Variants in ERG observed in about 807,000 individuals in gnomAD.
The protein encoded by ERG is transcriptional regulator ERG.
A neutral mutation model predicts 55.3 loss-of-function variants in ERG; 9 were observed. The ratio of observed to expected loss-of-function variants is 0.16; its 90% CI spans 0.10 to 0.28. The LOEUF is 0.28. Ranked by LOEUF, ERG falls within the 10% of genes least tolerant of loss-of-function variation. The pLI, the probability that ERG is intolerant of heterozygous loss-of-function variation, is 1.00. For missense variants in ERG, 434 were observed against 631.6 expected (o/e 0.69, Z 3.35); for synonymous variants, 223 against 237.3 (o/e 0.94, Z 0.55).
chr21:38,546,642 A>G (rs1216646767), intron 2 of ERG, among the ~76,000 whole-genome samples: 1 of 152,216 alleles, frequency 6.6e-6, no homozygotes, highest in Non-Finnish European at 1.5e-5. Flanking sequence ...GTCTATATCA[A>G]AAGAAGAACA....
chr21:38,381,884 C>T lies in ERG; in HGVS notation c.*1519G>A, dbSNP rs1402164128. On this transcript the variant is annotated 3_prime_UTR_variant, in exon 10 of 10. Coordinates refer to ENST00000288319, the MANE Select transcript of ERG (RefSeq NM_182918.4). ...TGGAGAGGCTGACGCCATTTGGGTG[C>T]CAAACATCCTATTTCCTTGGCTCTC... is the stretch of plus-strand genomic sequence containing the variant. 10 of 1,063,232 alleles carry T rather than the reference C, an allele frequency of 9.4e-6. No individual in the cohort carries two copies. Among genetic ancestry groups the T allele is most frequent in the Non-Finnish European group, 1.1e-5 (10 of 878,032 alleles). The allele number at this position is 1,063,232 out of a possible 1,614,324, so 65.9% of individuals were successfully genotyped here.
chr21:38,625,818 A>G (rs953165969), intron 1 of ERG, among the ~76,000 whole-genome samples: 2 of 151,730 alleles, frequency 1.3e-5, no homozygotes, highest in African/African-American at 4.8e-5. Context: ...ACTAATTAAT[A>G]TGATTGGCGA....
At chr21:38,398,370 G>C (rs1988328106) in intron 6 of ERG, among the ~76,000 whole-genome samples, 2 of 152,140 alleles carry the variant, frequency 1.3e-5, no homozygotes, top group East Asian at 3.9e-4. Context: ...CCTCTGGCTT[G>C]TTCAGTCTGC....
chr21:38,452,319 A>G (rs990325438), intron 1 of ERG, among the ~76,000 whole-genome samples: 1 of 152,184 alleles, frequency 6.6e-6, no homozygotes, highest in Non-Finnish European at 1.5e-5. Flanking sequence ...AAATACATAC[A>G]TGCGCAAATA....
At chr21:38,538,639 C>A (rs143765760) in intron 2 of ERG, among the ~76,000 whole-genome samples, 14 of 152,250 alleles carry the variant, frequency 9.2e-5, no homozygotes, top group African/African-American at 2.4e-4. Context: ...CTGTCAGCTT[C>A]TCTGTTTTAA....
Position 38,441,483 on chromosome 21 carries a change from C to A in ERG, c.236+3921G>T, listed in dbSNP as rs140710732. ...ATCTCAGACCTGCCCACTCCCACAA[C>A]TGCATTAGCCAATTCCTTCAAATAA... On this transcript the variant is annotated intron_variant, in intron 2 of 9. Coordinates refer to ENST00000288319, the MANE Select transcript of ERG (RefSeq NM_182918.4). Among the ~76,000 whole-genome samples, 661 of 152,334 alleles carry A rather than the reference C, an allele frequency of 4.3e-3. 1 individual carries two copies. Among genetic ancestry groups the A allele is most frequent in the African/African-American group, 0.015 (637 of 41,566 alleles).
intron 1 of ERG, among the ~76,000 whole-genome samples, chr21:38,594,613 T>C (rs940406063): frequency 6.6e-6 from 1 of 152,114 alleles, no homozygotes; most frequent in African/African-American, 2.4e-5. Flanking sequence ...AGGGGCCACA[T>C]AGCTGCTCCA....
chr21:38,579,788 C>T (rs2060016999), intron 1 of ERG, among the ~76,000 whole-genome samples: 1 of 151,924 alleles, frequency 6.6e-6, no homozygotes, highest in Admixed American at 6.6e-5. Context: ...GCTCAACCAC[C>T]CTCCCCTGCC....
At chr21:38,425,615 A>G (rs576184572) in intron 2 of ERG, among the ~76,000 whole-genome samples, 1 of 152,256 alleles carries the variant, frequency 6.6e-6, no homozygotes, top group Non-Finnish European at 1.5e-5. Context: ...TCCAATGCAT[A>G]CATTTTTTTC....
chr21:38,535,635 A>G (rs1189304931), intron 2 of ERG, among the ~76,000 whole-genome samples: 2 of 152,192 alleles, frequency 1.3e-5, no homozygotes, highest in Admixed American at 6.5e-5. Context: ...AAGACGAATT[A>G]GGGAAGTACC....
At chr21:38,437,894 C>T (rs981180710) in intron 2 of ERG, among the ~76,000 whole-genome samples, 2 of 152,178 alleles carry the variant, frequency 1.3e-5, no homozygotes, top group Non-Finnish European at 2.9e-5. Context: ...CAGAGAGGCC[C>T]TGCAAAATCT....
At chr21:38,414,951 T>C (rs1051700973) in intron 3 of ERG, among the ~76,000 whole-genome samples, 1 of 152,226 alleles carries the variant, frequency 6.6e-6, no homozygotes, top group Non-Finnish European at 1.5e-5. Flanking sequence ...ATGTAAAAAT[T>C]AGCCCTGGGC....
chr21:38,423,084 A>AGTGTGTGT (rs71184624), intron 3 of ERG, among the ~76,000 whole-genome samples: 1,527 of 144,422 alleles, frequency 0.011, 11 homozygotes, highest in African/African-American at 0.017. Flanking sequence ...CTCCATACGT[A>AGTGTGTGT]GTGTGTGTGT....
At chr21:38,444,186 G>A (rs1433311276) in intron 2 of ERG, among the ~76,000 whole-genome samples, 1 of 152,162 alleles carries the variant, frequency 6.6e-6, no homozygotes, top group Non-Finnish European at 1.5e-5. Flanking sequence ...AAACATATAT[G>A]TAACAAAAAG....
At chr21:38,579,497 G>C (rs1218081787) in intron 1 of ERG, among the ~76,000 whole-genome samples, 1 of 152,192 alleles carries the variant, frequency 6.6e-6, no homozygotes, top group Non-Finnish European at 1.5e-5. Context: ...AGAGGAAAGA[G>C]AGAGCTGATT....
At chr21:38,451,866 A>G (rs2058944928) in intron 1 of ERG, among the ~76,000 whole-genome samples, 1 of 152,218 alleles carries the variant, frequency 6.6e-6, no homozygotes, top group Non-Finnish European at 1.5e-5. Flanking sequence ...TTTATTTACA[A>G]CACACAAAAA....
chr21:38,446,698 A>C (rs2146559918), intron 1 of ERG, among the ~76,000 whole-genome samples: 1 of 152,304 alleles, frequency 6.6e-6, no homozygotes, highest in South Asian at 2.1e-4. Context: ...AAAAAGAAAA[A>C]GAAAAGAACT....
intron 2 of ERG, among the ~76,000 whole-genome samples, chr21:38,569,593 A>G (rs1257193836): frequency 1.3e-5 from 2 of 152,190 alleles, no homozygotes. Flanking sequence ...AGGATATATA[A>G]TCTATTTGTG....
intron 1 of ERG, among the ~76,000 whole-genome samples, chr21:38,595,129 C>T (rs909088699): frequency 6.6e-6 from 1 of 151,888 alleles, no homozygotes; most frequent in African/African-American, 2.4e-5. Flanking sequence ...TGGGGAGAGT[C>T]TAGACTTTTA....
Sources: gnomAD v4.1 joint callset for allele counts (sites outside exome capture counted in the v4.1 genomes callset) on GRCh38, gnomAD v4.1.1 for gene constraint, MANE v1.5 for transcripts, NCBI Gene and HGNC (gene_info 2026-07-23, HGNC 2026-07-21) for gene names.